The following KLC1 variants were observed in gnomAD, a reference collection of about 807,000 sequenced individuals.
KLC1 encodes the protein kinesin 2 60/70kDa.
A neutral mutation model predicts 84.2 loss-of-function variants in KLC1; 30 were observed. That is an observed-to-expected ratio of 0.36 (90% CI 0.27 to 0.48). The LOEUF (loss-of-function observed/expected upper bound fraction) is 0.48, where lower values mean the gene tolerates loss of function less well. Ranked by LOEUF, KLC1 falls within the 20% of genes least tolerant of loss-of-function variation. KLC1 has a pLI of 0.99. For missense variants in KLC1, 499 were observed against 805.4 expected (o/e 0.62, Z 4.60); for synonymous variants, 289 against 293.3 (o/e 0.99, Z 0.15).
Position 103,629,211 on chromosome 14 carries a change from A to T in KLC1, c.-285A>T, listed in dbSNP as rs1379594228. The stretch of plus-strand genomic sequence containing the variant: ...CCGGGGGGAGCAACACTGAGACGCC[A>T]TTTTCGGCGGCGGGAGCGGCGCAGG... On this transcript the variant is annotated 5_prime_UTR_variant, in exon 1 of 17. Coordinates refer to ENST00000334553, the MANE Select transcript of KLC1 (RefSeq NM_001394837.1). 6.5e-6 allele frequency: 1 copy of T among 152,888 alleles called. No individual in the cohort carries two copies. The highest frequency in any genetic ancestry group is 1.5e-5 in the Non-Finnish European group (1 of 68,774). 9.5% of individuals were successfully genotyped at this position (152,888 alleles called of 1,614,324 possible).
At chr14:103,673,486 T>C in intron 9 of KLC1, 55 bp downstream of exon 9, 3 of 1,095,430 alleles carry the variant, frequency 2.7e-6, no homozygotes, top group Non-Finnish European at 4.0e-6. Flanking sequence ...ACTTGACTAA[T>C]AGTAATATAC....
intron 1 of KLC1, among the ~76,000 whole-genome samples, chr14:103,651,251 G>A (rs1424092629): frequency 1.3e-5 from 2 of 152,044 alleles, no homozygotes; most frequent in Non-Finnish European, 2.9e-5. Context: ...CTCGTGATCC[G>A]CCAGCCTCGG....
chr14:103,643,204 G>C (rs1043538628), intron 1 of KLC1, among the ~76,000 whole-genome samples: 1 of 152,220 alleles, frequency 6.6e-6, no homozygotes, highest in African/African-American at 2.4e-5. Context: ...ATCTCCCTTA[G>C]AGAAGAATTC....
rs541717077 is a variant in KLC1, at chr14:103,679,304, T to C, written c.1489-80T>C. 6.5e-5 allele frequency: 98 copies of C among 1,501,472 alleles called. No homozygotes were observed. The East Asian group carries it at 6.7e-4, about 10-fold the overall frequency. 93.0% of individuals were successfully genotyped at this position (1,501,472 alleles called of 1,614,324 possible). ...TTAAGAACTGTTTTTTTTTTTTTTT[T>C]CTAGCGAAGTATCTCAGAAATACCT... On this transcript the variant is annotated intron_variant, in intron 12 of 16. Coordinates refer to ENST00000334553, the MANE Select transcript of KLC1 (RefSeq NM_001394837.1).
At chr14:103,650,169 G>A (rs573330516) in intron 1 of KLC1, among the ~76,000 whole-genome samples, 1 of 152,064 alleles carries the variant, frequency 6.6e-6, no homozygotes, top group South Asian at 2.1e-4. Flanking sequence ...AATAACCTGG[G>A]GCCAGATAGC....
intron 1 of KLC1, among the ~76,000 whole-genome samples, chr14:103,653,502 A>G (rs946328961): frequency 6.6e-5 from 10 of 152,084 alleles, no homozygotes; most frequent in African/African-American, 2.4e-4. Context: ...TTGTATTTTT[A>G]GTTGAGACAG....
intron 1 of KLC1, among the ~76,000 whole-genome samples, chr14:103,647,112 G>A (rs2078002232): frequency 6.6e-6 from 1 of 152,134 alleles, no homozygotes; most frequent in Non-Finnish European, 1.5e-5. Flanking sequence ...TGTCAAGTAG[G>A]ATGTTGAATA....
rs1034050167 is a variant in KLC1, at chr14:103,665,824, C to G, written c.797+2897C>G. 4.3e-4 allele frequency among the ~76,000 whole-genome samples: 65 copies of G among 152,362 alleles called. 1 individual carries two copies. The highest frequency in any genetic ancestry group is 1.3e-4 in the Admixed American group (2 of 15,306). On this transcript the variant is annotated intron_variant, in intron 5 of 16. Transcript: ENST00000334553. ...CTTGGTACCTGCTGCCAAACTGCCACTCAGAAAGGCTGTGTCTGCCCATGC... is the reference window on the plus strand; with the variant it reads ...CTTGGTACCTGCTGCCAAACTGCCAGTCAGAAAGGCTGTGTCTGCCCATGC...
chr14:103,696,307 G>A (rs2082512495), intron 15 of KLC1: 1 of 985,424 alleles, frequency 1.0e-6, no homozygotes, highest in Non-Finnish European at 1.2e-6. Context: ...GAGGCCGGTG[G>A]TGCCCGCGGG....
Position 103,673,185 on chromosome 14 carries a change from C to T in KLC1, c.1159C>T (p.Leu387=), listed in dbSNP as rs1490837127. 1.9e-6 allele frequency: 3 copies of T among 1,612,146 alleles called. No homozygotes were observed. The highest frequency in any genetic ancestry group is 1.1e-5 in the South Asian group (1 of 90,766). Residue 387 remains leucine, a splice_region_variant and synonymous_variant, in exon 8 of 17, where the codon CTG becomes TTG. Coordinates refer to ENST00000334553, the MANE Select transcript of KLC1 (RefSeq NM_001394837.1). ...CAACGTGGCTAAGACGAAAAATAACCTGGTGTGTTGACTGCACAGCACTAG... is the reference window on the plus strand; with the variant it reads ...CAACGTGGCTAAGACGAAAAATAACTTGGTGTGTTGACTGCACAGCACTAG... ...DPNVAKTKNN[L]ASCYLKQGKF...
intron 5 of KLC1, 37 bp from the exon 6 acceptor site, chr14:103,669,474 T>G: frequency 9.2e-7 from 1 of 1,091,308 alleles, no homozygotes; most frequent in Non-Finnish European, 1.4e-6. Flanking sequence ...TGTAGTGATC[T>G]ACATCTGAAA....
At chr14:103,668,099 A>G (rs1245880520) in intron 5 of KLC1, among the ~76,000 whole-genome samples, 6 of 152,248 alleles carry the variant, frequency 3.9e-5, no homozygotes, top group Non-Finnish European at 5.9e-5. Context: ...TCATCTTCTT[A>G]CAGCAAGACT....
intron 1 of KLC1, among the ~76,000 whole-genome samples, chr14:103,635,512 G>T (rs2076979910): frequency 2.0e-5 from 3 of 152,142 alleles, no homozygotes; most frequent in Admixed American, 2.0e-4. Flanking sequence ...CCAGCACTTT[G>T]GGAGGCTGAG....
At chr14:103,677,755 T>C (rs1034239346) in intron 12 of KLC1, among the ~76,000 whole-genome samples, 5 of 151,608 alleles carry the variant, frequency 3.3e-5, no homozygotes, top group Non-Finnish European at 5.9e-5. Context: ...GGTCAGGAGT[T>C]CAAGACCAGC....
In KLC1 at chr14:103,654,549, C is replaced by A; in HGVS notation, c.-1-15C>A. ...GTAATGAGGGATCTAATTTCTTTTT[C>A]TTTTTTCATTCCAGAATGTATGACA... On this transcript the variant is annotated splice_polypyrimidine_tract_variant and intron_variant, in intron 1 of 16. Transcript: ENST00000334553. The A allele has an allele frequency of 6.4e-7, 1 of 1,561,490 alleles. No homozygotes were observed.
intron 15 of KLC1, chr14:103,696,108 C>G (rs1023738991): frequency 2.4e-6 from 2 of 819,616 alleles, no homozygotes; most frequent in Middle Eastern, 6.4e-4. Flanking sequence ...GCCCCCCGCC[C>G]CCCCCCACAG....
chr14:103,692,253 C>T (rs2082164814), intron 14 of KLC1, 106 bp from the exon 15 acceptor site: 1 of 982,470 alleles, frequency 1.0e-6, no homozygotes, highest in Admixed American at 2.1e-5. Flanking sequence ...GTCCCTAGAG[C>T]CCCCAGTGTC....
Position 103,662,835 on chromosome 14 carries a change from C to T in KLC1, c.705C>T (p.Leu235=). The change falls in exon 5 of 17, where the codon CTC becomes CTT. Residue 235 remains leucine, a synonymous_variant. Coordinates refer to ENST00000334553, the MANE Select transcript of KLC1 (RefSeq NM_001394837.1). ...SQGRYEVAVP[L]CKQALEDLEK... ...GGCGCTACGAGGTAGCTGTGCCCCT[C>T]TGCAAGCAGGCCCTGGAGGACCTGG... is the stretch of plus-strand genomic sequence containing the variant. 2 of 1,613,626 alleles carry T rather than the reference C, an allele frequency of 1.2e-6. No homozygotes were observed. Among genetic ancestry groups the T allele is most frequent in the South Asian group, 2.2e-5 (2 of 91,048 alleles).
chr14:103,690,137 C>T (rs537959318), intron 14 of KLC1, among the ~76,000 whole-genome samples: 11 of 151,640 alleles, frequency 7.3e-5, no homozygotes, highest in African/African-American at 2.7e-4. Flanking sequence ...GCCAAGATCA[C>T]ACCACTGCAC....
Sources: gnomAD v4.1 joint callset for allele counts (sites outside exome capture counted in the v4.1 genomes callset) on GRCh38, gnomAD v4.1.1 for gene constraint, MANE v1.5 for transcripts, NCBI Gene and HGNC (gene_info 2026-07-23, HGNC 2026-07-21) for gene names.